Variants in PRKCA observed in about 807,000 individuals in gnomAD.
PRKCA encodes protein kinase C alpha type.
PRKCA carries 27 observed loss-of-function variants against 87.0 expected under a neutral mutation model. The observed-to-expected ratio is 0.31, with a 90% CI of 0.23 to 0.43. PRKCA has a LOEUF of 0.43. PRKCA is among the 20% of genes least tolerant of loss of function. The probability of loss-of-function intolerance (pLI) is 1.00; values close to 1 mark genes in which losing one functional copy is unlikely to be tolerated. For missense variants in PRKCA, 518 were observed against 852.3 expected, an observed-to-expected ratio of 0.61 and a Z score of 4.88; for synonymous variants, 329 against 311.1, an observed-to-expected ratio of 1.06 and a Z score of -0.61.
intron 3 of PRKCA, among the ~76,000 whole-genome samples, chr17:66,635,137 A>G (rs1354846920): frequency 1.3e-5 from 2 of 152,210 alleles, no homozygotes; most frequent in Non-Finnish European, 2.9e-5. Flanking sequence ...AAATGAAGAC[A>G]CAGATGAGAG....
At chr17:66,761,164 G>A (rs897976525) in intron 13 of PRKCA, among the ~76,000 whole-genome samples, 3 of 152,048 alleles carry the variant, frequency 2.0e-5, no homozygotes, top group Non-Finnish European at 4.4e-5. Context: ...AAGGTCAGGA[G>A]ATTGAGACCA....
In PRKCA at chr17:66,688,455, T is replaced by A; in HGVS notation, c.821+19T>A. On this transcript the variant is annotated intron_variant, in intron 7 of 16. Coordinates refer to ENST00000413366, the MANE Select transcript of PRKCA (RefSeq NM_002737.3). ...GTGGATGGTATGGAAGCCGCTTAGG[T>A]TGAGTATGTCTCAAAGCATCAGACC... The A allele has an allele frequency of 6.2e-7, 1 of 1,613,896 alleles. No individual in the cohort carries two copies. The highest frequency in any genetic ancestry group is 1.3e-5 in the African/African-American group (1 of 74,988).
chr17:66,438,330 C>CGCAA (rs77143615), intron 2 of PRKCA, among the ~76,000 whole-genome samples: 6,357 of 152,170 alleles, frequency 0.042, 193 homozygotes, highest in Admixed American at 0.075. Flanking sequence ...TGTCTCTTGC[C>CGCAA]ATGGGTAGCT....
At chr17:66,479,991 CT>C (rs1915707216) in intron 2 of PRKCA, among the ~76,000 whole-genome samples, 1 of 121,294 alleles carries the variant, frequency 8.2e-6, no homozygotes, top group South Asian at 2.6e-4. Flanking sequence ...ATAGATACCC[CT>C]GAACTTAAAA....
chr17:66,663,781 C>G (rs1051692654), intron 5 of PRKCA, among the ~76,000 whole-genome samples: 2 of 152,114 alleles, frequency 1.3e-5, no homozygotes, highest in African/African-American at 4.8e-5. Context: ...TCCCTTTCTC[C>G]TTTTAGCAAA....
At position 66,720,107 on chromosome 17, in the gene PRKCA, A is replaced by G. The variant is rs1207492730; in HGVS notation, c.919-12581A>G. Among the ~76,000 whole-genome samples the G allele has an allele frequency of 5.9e-5, 9 of 152,236 alleles. No individual in the cohort carries two copies. The South Asian group carries it at 1.7e-3, about 28-fold the overall frequency. On this transcript the variant is annotated intron_variant, in intron 8 of 16. Coordinates refer to ENST00000413366, the MANE Select transcript of PRKCA (RefSeq NM_002737.3). ...AAGTAACAAACAAGTAGAGAAATAC[A>G]GGATTGGTAATGAGAAGAGAGGGAG... is the stretch of plus-strand genomic sequence containing the variant.
intron 2 of PRKCA, among the ~76,000 whole-genome samples, chr17:66,337,908 C>A (rs1365085083): frequency 2.0e-5 from 3 of 151,406 alleles, no homozygotes; most frequent in Non-Finnish European, 2.9e-5. Context: ...TTCTATAAGT[C>A]AAAAAGCCAA....
At chr17:66,757,397 G>A (rs1231277721) in intron 13 of PRKCA, among the ~76,000 whole-genome samples, 7 of 152,042 alleles carry the variant, frequency 4.6e-5, no homozygotes, top group Non-Finnish European at 1.0e-4. Flanking sequence ...ACAGATCCAG[G>A]AAGCTCAAAT....
chr17:66,314,915 GTA>G (rs1250572879), intron 2 of PRKCA, among the ~76,000 whole-genome samples: 1 of 147,198 alleles, frequency 6.8e-6, no homozygotes, highest in African/African-American at 2.5e-5. Context: ...GTATGTATGT[GTA>G]TATGTGTGTA....
At chr17:66,326,036 C>G (rs537579216) in intron 2 of PRKCA, among the ~76,000 whole-genome samples, 1 of 152,148 alleles carries the variant, frequency 6.6e-6, no homozygotes, top group Non-Finnish European at 1.5e-5. Context: ...ACCGGAGGAC[C>G]TACCATTTGT....
chr17:66,563,339 C>T (rs769783440), intron 3 of PRKCA, among the ~76,000 whole-genome samples: 1 of 152,120 alleles, frequency 6.6e-6, no homozygotes, highest in Admixed American at 6.5e-5. Flanking sequence ...TCTTGTTCTT[C>T]CCTCCCTCCC....
intron 2 of PRKCA, among the ~76,000 whole-genome samples, chr17:66,327,144 G>T (rs1906027522): frequency 6.6e-6 from 1 of 151,988 alleles, no homozygotes; most frequent in Non-Finnish European, 1.5e-5. Context: ...GCAGAGGCGG[G>T]CAGATCATGA....
chr17:66,749,285 C>G (rs9906246), intron 13 of PRKCA, among the ~76,000 whole-genome samples: 9,002 of 151,806 alleles, frequency 0.059, 449 homozygotes, highest in African/African-American at 0.13. Context: ...ACCTCCTCCC[C>G]CTGCCCTCCA....
chr17:66,587,462 T>G (rs1036815224), intron 3 of PRKCA, among the ~76,000 whole-genome samples: 14 of 152,178 alleles, frequency 9.2e-5, no homozygotes, highest in Admixed American at 9.2e-4. Context: ...TTGATTTATG[T>G]AGATCTAGTT....
rs147959134 is a variant in PRKCA, at chr17:66,377,519, G to GTA, written c.205+71401_205+71402dup. Among the ~76,000 whole-genome samples, 1,334 of 147,288 alleles carry GTA rather than the reference G, an allele frequency of 9.1e-3. 22 individuals are homozygous for GTA. Among genetic ancestry groups the GTA allele is most frequent in the African/African-American group, 0.031 (1,235 of 40,270 alleles). ...TGTATACATGTATATACGTATATAT[G>GTA]TATATATATAATGCCTATATTATGT... On this transcript the variant is annotated intron_variant, in intron 2 of 16. Transcript: ENST00000413366.
rs1169837836 is a variant in PRKCA at position 66,418,245 on chromosome 17, T to G, written c.206-77956T>G. 1.3e-5 allele frequency among the ~76,000 whole-genome samples: 2 copies of G among 152,180 alleles called. 1 individual carries two copies. Among genetic ancestry groups the G allele is most frequent in the Non-Finnish European group, 2.9e-5 (2 of 68,042 alleles). On this transcript the variant is annotated intron_variant, in intron 2 of 16. Coordinates refer to ENST00000413366, the MANE Select transcript of PRKCA (RefSeq NM_002737.3). ...GCCTACTTGTGTGTGTGCGCGTATG[T>G]GTATAGTAAATGTATATATGCATAT... is the stretch of plus-strand genomic sequence containing the variant.
rs56164343 is a variant in PRKCA, at chr17:66,781,849, TGAGAGA to T, written c.1606-5003_1606-4998del. Among the ~76,000 whole-genome samples, 374 of 131,550 alleles carry T rather than the reference TGAGAGA, an allele frequency of 2.8e-3. 2 individuals are homozygous for T. The highest frequency in any genetic ancestry group is 0.01 in the African/African-American group (345 of 33,138). The allele number at this position is 131,550 out of a possible 152,430, so 86.3% of individuals were successfully genotyped here. On this transcript the variant is annotated intron_variant, in intron 14 of 16. Coordinates refer to ENST00000413366, the MANE Select transcript of PRKCA (RefSeq NM_002737.3). ...AAAGCGGTTAAGATGGTAAATTTTG[TGAGAGA>T]GAGAGAGAGAGAGATATATATATAT...
intron 2 of PRKCA, among the ~76,000 whole-genome samples, chr17:66,344,851 C>T (rs1907261596): frequency 6.6e-6 from 1 of 152,182 alleles, no homozygotes; most frequent in Non-Finnish European, 1.5e-5. Flanking sequence ...CTGCAACTTC[C>T]ACCTCCTGGG....
intron 2 of PRKCA, among the ~76,000 whole-genome samples, chr17:66,490,300 C>A (rs9891912): frequency 0.13 from 19,874 of 151,326 alleles, 4,180 homozygotes; most frequent in African/African-American, 0.44. Context: ...CATTAAGTAC[C>A]TTCCCAGTGT....
Sources: allele counts gnomAD v4.1 joint callset (sites outside exome capture counted in the v4.1 genomes callset), GRCh38; gene constraint gnomAD v4.1.1; transcripts MANE v1.5; gene names NCBI Gene and HGNC (gene_info 2026-07-23, HGNC 2026-07-21).